Variants in MARCHF2 observed in about 807,000 individuals in gnomAD.
The protein encoded by MARCHF2 is membrane associated ring-CH-type finger 2, also known as E3 ubiquitin-protein ligase MARCHF2.
Under a neutral mutation model 24.0 loss-of-function variants are expected in MARCHF2, and 22 were observed. That is an observed-to-expected ratio of 0.92 (90% CI 0.66 to 1.31). The LOEUF (loss-of-function observed/expected upper bound fraction) is 1.31, where lower values mean the gene tolerates loss of function less well. Ranked by LOEUF, MARCHF2 falls within the 50% of genes most tolerant of loss-of-function variation. The pLI is 0.00. For synonymous variants in MARCHF2, 154 were observed against 153.0 expected (o/e 1.01, Z -0.05); for missense variants, 301 against 335.3 (o/e 0.90, Z 0.80).
intron 4 of MARCHF2, among the ~76,000 whole-genome samples, chr19:8,432,304 T>G (rs1031274384): frequency 1.3e-5 from 2 of 151,254 alleles, no homozygotes; most frequent in Admixed American, 1.3e-4. Flanking sequence ...GCAGGAAGAT[T>G]GCTTGAAGCA....
At chr19:8,432,117 T>TACTG (rs1176287292) in intron 4 of MARCHF2, among the ~76,000 whole-genome samples, 1 of 149,806 alleles carries the variant, frequency 6.7e-6, no homozygotes, top group East Asian at 2.0e-4. Context: ...GAGATCCTGC[T>TACTG]ACTGTACTCC....
chr19:8,421,382 C>CTTTTTTT (rs1254772289), intron 1 of MARCHF2, among the ~76,000 whole-genome samples: 398 of 111,620 alleles, frequency 3.6e-3, no homozygotes, highest in Non-Finnish European at 5.1e-3. Context: ...TCTTTCTTTT[C>CTTTTTTT]TTTTTTTTTT....
intron 4 of MARCHF2, among the ~76,000 whole-genome samples, chr19:8,431,565 A>G (rs1309703477): frequency 6.8e-6 from 1 of 147,488 alleles, no homozygotes; most frequent in Non-Finnish European, 1.5e-5. Flanking sequence ...ACCCAGGCAC[A>G]GTGGCTTACT....
chr19:8,430,655 C>T lies in MARCHF2; in HGVS notation c.373-3C>T, dbSNP rs772167131. 3 of 1,606,650 alleles carry T rather than the reference C, an allele frequency of 1.9e-6. No homozygotes were observed. In the Admixed American group the frequency reaches 5.0e-5, roughly 27 times the overall value. Reference sequence around the variant, plus strand: ...CCTCTGCCCCCTATCCTCTCCCCTGCAGTGGCTGAAGGACCCGGGGCCGCG... The same window carrying T: ...CCTCTGCCCCCTATCCTCTCCCCTGTAGTGGCTGAAGGACCCGGGGCCGCG... On this transcript the variant is annotated splice_polypyrimidine_tract_variant and splice_region_variant and intron_variant, in intron 3 of 4. Transcript: ENST00000215555. This position sits in a 1 kb window ranked among gnomAD's most constrained non-coding sequence, Gnocchi z 4.4.
In MARCHF2 at chr19:8,430,394, GC is replaced by G. The variant is rs1395911672; in HGVS notation, c.373-263del. ...TATATATACATACAAAATTAGCCGT[GC>G]ATGGTGGCGCTTGCCTGTAATCCCA... On this transcript the variant is annotated intron_variant, in intron 3 of 4. Transcript: ENST00000215555. The surrounding 1 kb of genome is among the most constrained non-coding windows in gnomAD (Gnocchi z 4.4). Among the ~76,000 whole-genome samples, 1 of 152,048 alleles carries G rather than the reference GC, an allele frequency of 6.6e-6. No homozygotes were observed. The highest frequency in any genetic ancestry group is 2.4e-5 in the African/African-American group (1 of 41,402).
chr19:8,413,400 C>T lies in MARCHF2; in HGVS notation c.-73C>T, dbSNP rs1307544968. 6.6e-6 allele frequency: 1 copy of T among 151,792 alleles called. No homozygotes were observed. Among genetic ancestry groups the T allele is most frequent in the Admixed American group, 6.6e-5 (1 of 15,226 alleles). The allele number at this position is 151,792 out of a possible 1,614,324, so 9.4% of individuals were successfully genotyped here. A position where few individuals can be genotyped will look rare whatever the true frequency, so the allele number is the denominator to read the frequency against. ...GCGAACCGAGGGGCCTGTGCGGCCG[C>T]CCGGCCCGGCCGCGGATCAGGTAGG... On this transcript the variant is annotated 5_prime_UTR_variant, in exon 1 of 5. Coordinates refer to ENST00000215555, the MANE Select transcript of MARCHF2 (RefSeq NM_001005415.2).
intron 3 of MARCHF2, among the ~76,000 whole-genome samples, chr19:8,429,430 C>T (rs760869835): frequency 1.3e-5 from 2 of 151,480 alleles, no homozygotes; most frequent in Non-Finnish European, 2.9e-5. Context: ...CCAGCCTGGG[C>T]AACACAGCAA....
chr19:8,426,859 G>A (rs531085366), intron 3 of MARCHF2, 55 bp downstream of exon 3: 45 of 1,542,824 alleles, frequency 2.9e-5, no homozygotes, highest in Non-Finnish European at 3.5e-5. Flanking sequence ...CAGACATGGG[G>A]GCCAAAGGCA....
Position 8,428,849 on chromosome 19 carries a change from A to G in MARCHF2, c.373-1809A>G, listed in dbSNP as rs779428619. 8.8e-3 allele frequency among the ~76,000 whole-genome samples: 1,302 copies of G among 148,354 alleles called. 96 individuals carry two copies. In the East Asian group the frequency reaches 0.2, roughly 23 times the overall value. ...CATGGTGGCGGGGGCCTGTAATCCC[A>G]GCTTGAACCCGGAAGGCGGAGGTTG... On this transcript the variant is annotated intron_variant, in intron 3 of 4. Transcript: ENST00000215555.
chr19:8,421,913 G>A lies in MARCHF2; in HGVS notation c.73G>A (p.Val25Ile), dbSNP rs200909043. Reference sequence around the variant, plus strand: ...CTCCGGCAGCCCTGCCTTCTCCAAGGTCGTGGAGGCTACGGGCCTCGGACC... The same window carrying A: ...CTCCGGCAGCCCTGCCTTCTCCAAGATCGTGGAGGCTACGGGCCTCGGACC... ...DCSGSPAFSK[V>I]VEATGLGPPQ... The change falls in exon 2 of 5, where the codon GTC becomes ATC. Residue 25 changes from valine (V) to isoleucine (I), a missense_variant. Transcript: ENST00000215555. The A allele has an allele frequency of 9.9e-6, 16 of 1,613,818 alleles. No homozygotes were observed. The highest frequency in any genetic ancestry group is 1.2e-5 in the Non-Finnish European group (14 of 1,179,964).
intron 2 of MARCHF2, among the ~76,000 whole-genome samples, chr19:8,425,411 AG>A (rs1341235825): frequency 2.0e-5 from 3 of 151,700 alleles, no homozygotes; most frequent in African/African-American, 7.2e-5. Flanking sequence ...AAAAAAAAAA[AG>A]AAAATTTTTT....
chr19:8,428,369 G>T (rs1346152981), intron 3 of MARCHF2, among the ~76,000 whole-genome samples: 1 of 150,512 alleles, frequency 6.6e-6, no homozygotes, highest in African/African-American at 2.4e-5. Context: ...CAGGAGAATT[G>T]CTTGAACCCT....
At chr19:8,433,766 AG>A (rs1967641419) in intron 4 of MARCHF2, among the ~76,000 whole-genome samples, 1 of 151,592 alleles carries the variant, frequency 6.6e-6, no homozygotes, top group Non-Finnish European at 1.5e-5. Context: ...CGGGAGGCTG[AG>A]GCACAAGAAT....
chr19:8,421,868 C>T lies in MARCHF2; in HGVS notation c.28C>T (p.Pro10Ser), dbSNP rs1483091788. 6.2e-7 allele frequency: 1 copy of T among 1,612,424 alleles called. No individual in the cohort carries two copies. Residue 10 changes from proline to serine, a missense_variant, in exon 2 of 5, where the codon CCC (proline) becomes TCC (serine). Transcript: ENST00000215555. MTTGDCCHL[P>S]GSLCDCSGSP... ...GACGACGGGTGACTGCTGCCACCTC[C>T]CCGGCTCCCTGTGTGACTGCTCCGG...
intron 2 of MARCHF2, among the ~76,000 whole-genome samples, chr19:8,425,742 C>T (rs910617267): frequency 6.6e-6 from 1 of 151,622 alleles, no homozygotes; most frequent in Non-Finnish European, 1.5e-5. Context: ...TCAGCCTCCC[C>T]AGTAGCTGGG....
At chr19:8,432,505 T>G (rs552054010) in intron 4 of MARCHF2, among the ~76,000 whole-genome samples, 1 of 151,746 alleles carries the variant, frequency 6.6e-6, no homozygotes, top group East Asian at 1.9e-4. Context: ...AGGAAAATAA[T>G]TAGCTGGGCA....
At chr19:8,431,261 G>A (rs1967574826) in intron 4 of MARCHF2, among the ~76,000 whole-genome samples, 1 of 152,042 alleles carries the variant, frequency 6.6e-6, no homozygotes, top group Non-Finnish European at 1.5e-5. Context: ...CACTTTGGGA[G>A]GCCAAGGTGG....
intron 4 of MARCHF2, among the ~76,000 whole-genome samples, chr19:8,436,011 CCACG>C (rs780107414): frequency 1.3e-5 from 2 of 152,084 alleles, no homozygotes; most frequent in Non-Finnish European, 2.9e-5. Context: ...GATGTGTGCA[CCACG>C]CCTGGCTAAT....
intron 1 of MARCHF2, among the ~76,000 whole-genome samples, chr19:8,414,849 A>G (rs1343465817): frequency 1.3e-5 from 2 of 152,182 alleles, no homozygotes; most frequent in Non-Finnish European, 2.9e-5. Context: ...CAGCTCCATC[A>G]TTAGAATGAG....
Sources: allele counts gnomAD v4.1 joint callset (sites outside exome capture counted in the v4.1 genomes callset), GRCh38; gene constraint gnomAD v4.1.1; non-coding constraint Gnocchi (gnomAD v3.1); transcripts MANE v1.5; gene names NCBI Gene and HGNC (gene_info 2026-07-23, HGNC 2026-07-21).